The following DAB1 variants were observed in gnomAD, a reference collection of about 807,000 sequenced individuals.
DAB1 encodes the protein DAB adaptor protein 1, also known as disabled homolog 1.
A neutral mutation model predicts 64.6 loss-of-function variants in DAB1; 15 were observed. That is an observed-to-expected ratio of 0.23 (90% confidence interval 0.16 to 0.36). The LOEUF (loss-of-function observed/expected upper bound fraction) is 0.36, where lower values mean the gene tolerates loss of function less well. DAB1 is among the 10% of genes least tolerant of loss of function. The pLI, the probability that DAB1 is intolerant of heterozygous loss-of-function variation, is 1.00. For missense variants in DAB1, 596 were observed against 706.7 expected (o/e 0.84, Z 1.78); for synonymous variants, 235 against 251.9 (o/e 0.93, Z 0.64).
In DAB1 at chr1:58,446,150, A is replaced by G. The variant is rs189876184; in HGVS notation, n.257+59910T>C. Among the ~76,000 whole-genome samples the G allele has an allele frequency of 9.2e-5, 14 of 152,336 alleles. No individual in the cohort carries two copies. The East Asian group carries it at 2.7e-3, about 29-fold the overall frequency. On this transcript the variant is annotated intron_variant and non_coding_transcript_variant, in intron 3 of 20. Coordinates refer to the DAB1 transcript ENST00000485760. ...ACGCTCCTCATTGTAGACTCACCAC[A>G]GTAATAAAAAAGAAATTAATTGGGA...
chr1:58,480,956 AATTTTAAT>A (rs1645470072), intron 3 of DAB1: 1 of 857,596 alleles, frequency 1.2e-6, no homozygotes, highest in African/African-American at 1.6e-5. Flanking sequence ...GTGTCTCATA[AATTTTAAT>A]TCAACTGCCC....
At chr1:58,357,542 T>G (rs2100521490) in intron 3 of DAB1, among the ~76,000 whole-genome samples, 1 of 152,320 alleles carries the variant, frequency 6.6e-6, no homozygotes, top group South Asian at 2.1e-4. Flanking sequence ...CTGAAGTTCC[T>G]GAAGACATCA....
chr1:57,603,364 G>A (rs573148945), intron 7 of DAB1, among the ~76,000 whole-genome samples: 1 of 152,086 alleles, frequency 6.6e-6, no homozygotes, highest in Non-Finnish European at 1.5e-5. Flanking sequence ...TCTGGCAGGC[G>A]GTCTTTATTT....
chr1:57,590,720 C>T (rs900409544), intron 7 of DAB1, among the ~76,000 whole-genome samples: 5 of 143,588 alleles, frequency 3.5e-5, no homozygotes, highest in Admixed American at 7.2e-5. Flanking sequence ...TGGGAAGGAA[C>T]ACATTGTAGT....
At chr1:57,199,446 G>T (rs155319) in intron 2 of DAB1, among the ~76,000 whole-genome samples, 1,595 of 152,262 alleles carry the variant, frequency 0.01, 34 homozygotes, top group African/African-American at 0.037. Flanking sequence ...TAAAGGGCTT[G>T]TTGGGAGGTG....
chr1:57,962,983 A>G (rs1173036117), intron 5 of DAB1, among the ~76,000 whole-genome samples: 2 of 152,112 alleles, frequency 1.3e-5, no homozygotes, highest in African/African-American at 2.4e-5. Flanking sequence ...CCTTTATAAT[A>G]TAACATGCTT....
At chr1:58,148,783 C>G (rs571289336) in intron 5 of DAB1, among the ~76,000 whole-genome samples, 90 of 152,146 alleles carry the variant, frequency 5.9e-4, no homozygotes, top group South Asian at 1.0e-3. Context: ...ACACCCCCCC[C>G]CCAACCTCAT....
chr1:58,075,800 C>T (rs201896713), intron 5 of DAB1, among the ~76,000 whole-genome samples: 2 of 152,298 alleles, frequency 1.3e-5, no homozygotes, highest in East Asian at 3.9e-4. Context: ...TGCTGCCTTT[C>T]TCTGGCTCTA....
chr1:57,421,186 C>T (rs896188958), intron 1 of DAB1, among the ~76,000 whole-genome samples: 4 of 152,144 alleles, frequency 2.6e-5, no homozygotes, highest in African/African-American at 9.7e-5. Context: ...GAATATTCCT[C>T]TCTGGGTTGG....
chr1:57,438,222 TA>T (rs5774345), intron 7 of DAB1, among the ~76,000 whole-genome samples: 21,511 of 147,076 alleles, frequency 0.15, 1,953 homozygotes, highest in East Asian at 0.4. Flanking sequence ...GATGCAAATG[TA>T]AAAAAAAAAA....
intron 2 of DAB1, among the ~76,000 whole-genome samples, chr1:58,515,969 G>A (rs904801664): frequency 2.6e-5 from 4 of 152,104 alleles, no homozygotes. Flanking sequence ...AATAGATTTT[G>A]CTTATTACCT....
intron 7 of DAB1, among the ~76,000 whole-genome samples, chr1:57,512,421 G>T (rs957741042): frequency 6.6e-6 from 1 of 152,156 alleles, no homozygotes; most frequent in Non-Finnish European, 1.5e-5. Context: ...ACAAAGAAAA[G>T]AAATCTGGGT....
At chr1:58,502,107 T>A (rs1645916580) in intron 3 of DAB1, among the ~76,000 whole-genome samples, 1 of 152,234 alleles carries the variant, frequency 6.6e-6, no homozygotes, top group Non-Finnish European at 1.5e-5. Context: ...ATTTTAAAAG[T>A]TGATAAGCTA....
chr1:57,221,420 C>T (rs376179859), intron 2 of DAB1, among the ~76,000 whole-genome samples: 9 of 149,278 alleles, frequency 6.0e-5, no homozygotes, highest in South Asian at 2.1e-4. Flanking sequence ...AAGGCTAACA[C>T]GGTATGACCA....
intron 6 of DAB1, among the ~76,000 whole-genome samples, chr1:57,653,997 A>C (rs1646286793): frequency 6.6e-6 from 1 of 152,164 alleles, no homozygotes; most frequent in Non-Finnish European, 1.5e-5. Flanking sequence ...GTATTGTCAG[A>C]TCAGATTTAA....
At chr1:58,281,796 A>G (rs538089375) in intron 4 of DAB1, among the ~76,000 whole-genome samples, 1 of 152,294 alleles carries the variant, frequency 6.6e-6, no homozygotes, top group South Asian at 2.1e-4. Flanking sequence ...TTATAATAGT[A>G]CATACTTTAC....
chr1:58,438,155 T>C (rs951071668), intron 3 of DAB1, among the ~76,000 whole-genome samples: 2 of 152,196 alleles, frequency 1.3e-5, no homozygotes, highest in African/African-American at 4.8e-5. Context: ...CCTTTCCAGC[T>C]ACCCAAGACA....
At chr1:58,181,704 T>C (rs934700900) in intron 4 of DAB1, among the ~76,000 whole-genome samples, 6 of 151,062 alleles carry the variant, frequency 4.0e-5, no homozygotes, top group African/African-American at 1.5e-4. Context: ...GGAAATTTTG[T>C]TAAAATATAT....
chr1:57,847,514 C>T lies in DAB1; in HGVS notation n.88-21059G>A, dbSNP rs115845887. ...CCATATGCTGCTTACAAAAGACAAA[C>T]GGTAAAAGAAAAATGAGAGAGAAAA... On this transcript the variant is annotated intron_variant and non_coding_transcript_variant, in intron 1 of 1. Coordinates refer to the DAB1 transcript ENST00000477280. Among the ~76,000 whole-genome samples the T allele has an allele frequency of 3.9e-3, 591 of 151,796 alleles. 2 individuals are homozygous for T. Among genetic ancestry groups the T allele is most frequent in the Non-Finnish European group, 6.2e-3 (419 of 67,944 alleles).
Sources: allele counts gnomAD v4.1 joint callset (sites outside exome capture counted in the v4.1 genomes callset), GRCh38; gene constraint gnomAD v4.1.1; transcripts MANE v1.5; gene names NCBI Gene and HGNC (gene_info 2026-07-23, HGNC 2026-07-21).